Variants in EAF2 observed in about 807,000 individuals in gnomAD.
EAF2 encodes ELL associated factor 2, also known as ELL-associated factor 2.
In EAF2, 29 loss-of-function variants were observed where a neutral mutation model predicts 29.4. The ratio of observed to expected loss-of-function variants is 0.99; its 90% confidence interval spans 0.73 to 1.35. The LOEUF (loss-of-function observed/expected upper bound fraction) is 1.35. Among genes scored for constraint, EAF2 ranks in the 40% most tolerant of loss-of-function variants. The pLI is 0.00. For synonymous variants in EAF2, 103 were observed against 102.5 expected (o/e 1.00, Z -0.03); for missense variants, 292 against 312.0 (o/e 0.94, Z 0.48).
intron 2 of EAF2, among the ~76,000 whole-genome samples, chr3:121,845,130 G>T (rs1457185035): frequency 2.6e-5 from 4 of 152,174 alleles, no homozygotes. Context: ...GTGACTTTAC[G>T]TAGTAAATCA....
chr3:121,846,292 T>A (rs913407826), intron 2 of EAF2, among the ~76,000 whole-genome samples: 2 of 152,214 alleles, frequency 1.3e-5, no homozygotes, highest in Non-Finnish European at 2.9e-5. Context: ...TAATTAAATT[T>A]GTATGGGCTT....
At chr3:121,882,431 A>G (rs1709204015) in intron 5 of EAF2, among the ~76,000 whole-genome samples, 1 of 152,100 alleles carries the variant, frequency 6.6e-6, no homozygotes. Flanking sequence ...ATAAAAGTTA[A>G]TTACCAAAAA....
At chr3:121,886,265 T>C in intron 5 of EAF2, 77 bp from the exon 6 acceptor site, 1 of 927,418 alleles carries the variant, frequency 1.1e-6, no homozygotes, top group African/African-American at 1.7e-5. Context: ...GGCTATATTT[T>C]GTGTAAAATT....
At position 121,862,689 on chromosome 3, in the gene EAF2, G is replaced by A. The variant is rs139597435; in HGVS notation, c.484+5533G>A. Reference sequence around the variant, plus strand: ...CTTCTTCTCTCTATTCGTCAAAGTCGTTCTCTGTCCAGCTTTATTCCATTG... The same window carrying A: ...CTTCTTCTCTCTATTCGTCAAAGTCATTCTCTGTCCAGCTTTATTCCATTG... On this transcript the variant is annotated intron_variant, in intron 4 of 5. Transcript: ENST00000273668. 5.0e-3 allele frequency among the ~76,000 whole-genome samples: 763 copies of A among 152,264 alleles called. 7 individuals carry two copies. The highest frequency in any genetic ancestry group is 7.1e-3 in the Non-Finnish European group (482 of 68,014).
At chr3:121,862,945 G>A (rs948058026) in intron 4 of EAF2, among the ~76,000 whole-genome samples, 1 of 152,214 alleles carries the variant, frequency 6.6e-6, no homozygotes, top group Non-Finnish European at 1.5e-5. Flanking sequence ...GTCTGTTGGA[G>A]TTTGCTGGAG....
At chr3:121,844,634 A>C in intron 2 of EAF2, 87 bp downstream of exon 2, 2 of 889,448 alleles carry the variant, frequency 2.2e-6, no homozygotes, top group Non-Finnish European at 3.4e-6. Flanking sequence ...TTGTGTAGTG[A>C]TAATTGGTTA....
chr3:121,886,032 C>T (rs1316157969), intron 5 of EAF2, among the ~76,000 whole-genome samples: 4 of 151,726 alleles, frequency 2.6e-5, no homozygotes, highest in African/African-American at 9.7e-5. Context: ...GTTTAATCTT[C>T]TAAACTACAT....
rs75088182 is a variant in EAF2, at chr3:121,836,235, C to A, written c.106+844C>A. On this transcript the variant is annotated intron_variant, in intron 1 of 5. Transcript: ENST00000273668. ...CTTCAAGATCACTGAATTATAACTT[C>A]TCATTTTTCTGTGGTAAAACTGTAA... The A allele has an allele frequency of 7.0e-4, 106 of 152,320 alleles. 1 individual carries two copies. The highest frequency in any genetic ancestry group is 2.5e-3 in the African/African-American group (106 of 41,574). The allele number at this position is 152,320 out of a possible 1,614,324, so 9.4% of individuals were successfully genotyped here. A position where few individuals can be genotyped will look rare whatever the true frequency, so the allele number is the denominator to read the frequency against.
At chr3:121,875,374 G>C (rs1441041026) in intron 5 of EAF2, among the ~76,000 whole-genome samples, 3 of 151,950 alleles carry the variant, frequency 2.0e-5, no homozygotes, top group Non-Finnish European at 4.4e-5. Flanking sequence ...CTCCTTGAAG[G>C]GATCTAGCAT....
intron 5 of EAF2, among the ~76,000 whole-genome samples, chr3:121,877,559 A>G (rs946758601): frequency 2.0e-5 from 3 of 151,944 alleles, no homozygotes; most frequent in Non-Finnish European, 4.4e-5. Context: ...ATTACTTTAA[A>G]ATAAGTTTAG....
At chr3:121,886,125 C>A (rs1709279749) in intron 5 of EAF2, among the ~76,000 whole-genome samples, 1 of 151,862 alleles carries the variant, frequency 6.6e-6, no homozygotes, top group South Asian at 2.1e-4. Flanking sequence ...AAAATAGATG[C>A]CAGGAAATAC....
chr3:121,853,179 T>A (rs1317771956), intron 2 of EAF2, among the ~76,000 whole-genome samples: 1 of 152,200 alleles, frequency 6.6e-6, no homozygotes, highest in East Asian at 1.9e-4. Context: ...TACTTATGTA[T>A]CTCTAACTGA....
intron 2 of EAF2, 144 bp from the exon 3 acceptor site, chr3:121,854,543 G>T: frequency 1.8e-6 from 1 of 557,810 alleles, no homozygotes. Flanking sequence ...TACACTCTTT[G>T]GATTCAGGGT....
At chr3:121,872,353 C>T (rs1709029071) in intron 4 of EAF2, among the ~76,000 whole-genome samples, 184 bp from the exon 5 acceptor site, 1 of 151,752 alleles carries the variant, frequency 6.6e-6, no homozygotes, top group African/African-American at 2.4e-5. Context: ...TTTCTGTAAT[C>T]CAATCATTGA....
intron 1 of EAF2, among the ~76,000 whole-genome samples, chr3:121,841,456 A>G (rs1708422569): frequency 7.1e-6 from 1 of 141,588 alleles, no homozygotes; most frequent in African/African-American, 2.6e-5. Context: ...AGTGAGCCGA[A>G]ATCGCGCCAC....
Position 121,844,514 on chromosome 3 carries a change from T to A in EAF2, c.168T>A (p.Gly56=). 1 of 1,611,472 alleles carries A rather than the reference T, an allele frequency of 6.2e-7. No homozygotes were observed. The change falls in exon 2 of 6, where the codon GGT becomes GGA. Residue 56 remains glycine (G), a synonymous_variant. Transcript: ENST00000273668. The stretch of plus-strand genomic sequence containing the variant: ...AAGGATACCTTGAGGTTGGTGAAGG[T>A]GAACAGGTGACCATAACTCTGCCAA... ...SSEGYLEVGE[G]EQVTITLPNI... is the part of the protein sequence containing the mutation.
At chr3:121,843,741 G>C (rs1708472789) in intron 1 of EAF2, among the ~76,000 whole-genome samples, 1 of 151,838 alleles carries the variant, frequency 6.6e-6, no homozygotes, top group Non-Finnish European at 1.5e-5. Flanking sequence ...GATTTTAATG[G>C]CATCGTTTGA....
chr3:121,886,275 T>C, intron 5 of EAF2, 67 bp from the exon 6 acceptor site: 1 of 1,074,478 alleles, frequency 9.3e-7, no homozygotes. Flanking sequence ...TGTGTAAAAT[T>C]TGTGTTATGC....
intron 4 of EAF2, among the ~76,000 whole-genome samples, chr3:121,858,354 C>T (rs539469816): frequency 1.2e-3 from 183 of 152,300 alleles, no homozygotes; most frequent in African/African-American, 4.2e-3. Context: ...TTTTAATGAT[C>T]GCCATTCTAA....
Sources: gnomAD v4.1 joint callset for allele counts (sites outside exome capture counted in the v4.1 genomes callset) on GRCh38, gnomAD v4.1.1 for gene constraint, MANE v1.5 for transcripts, NCBI Gene and HGNC (gene_info 2026-07-23, HGNC 2026-07-21) for gene names.